The following RSPO2 variants were observed in gnomAD, a reference collection of about 807,000 sequenced individuals.
The protein encoded by RSPO2 is R-spondin 2.
A neutral mutation model predicts 30.9 loss-of-function variants in RSPO2; 14 were observed. The ratio of observed to expected loss-of-function variants is 0.45; its 90% CI spans 0.30 to 0.71. RSPO2 has a LOEUF of 0.71. Among genes scored for constraint, RSPO2 ranks in the 30% least tolerant of loss-of-function variants. RSPO2 has a pLI of 0.08. For synonymous variants in RSPO2, 107 were observed against 96.4 expected (o/e 1.11, Z -0.64); for missense variants, 264 against 301.9 (o/e 0.87, Z 0.93).
At chr8:107,931,084 A>G (rs932897394) in intron 5 of RSPO2, among the ~76,000 whole-genome samples, 1 of 152,186 alleles carries the variant, frequency 6.6e-6, no homozygotes, top group Admixed American at 6.5e-5. Context: ...ACTGCTATAA[A>G]AACATATGAT....
At chr8:108,008,500 C>T (rs1435983481) in intron 2 of RSPO2, among the ~76,000 whole-genome samples, 1 of 152,160 alleles carries the variant, frequency 6.6e-6, no homozygotes, top group East Asian at 1.9e-4. Flanking sequence ...TAACATCCAG[C>T]TCACTCAACT....
intron 5 of RSPO2, among the ~76,000 whole-genome samples, chr8:107,922,991 T>C (rs1812229842): frequency 1.3e-5 from 2 of 152,084 alleles, no homozygotes; most frequent in Admixed American, 1.3e-4. Context: ...GAAGACAACC[T>C]GGGCAATACC....
chr8:107,970,580 A>C (rs900902115), intron 3 of RSPO2, among the ~76,000 whole-genome samples: 3 of 152,244 alleles, frequency 2.0e-5, no homozygotes, highest in Non-Finnish European at 4.4e-5. Context: ...TCAGATAAGC[A>C]TGAGGATGCT....
intron 5 of RSPO2, among the ~76,000 whole-genome samples, chr8:107,940,049 T>G (rs1345759233): frequency 6.6e-6 from 1 of 152,034 alleles, no homozygotes; most frequent in Non-Finnish European, 1.5e-5. Flanking sequence ...TCCCTTTGAT[T>G]TTGCTATTAT....
chr8:108,083,009 T>G, intron 1 of RSPO2, 188 bp downstream of exon 1: 1 of 208,562 alleles, frequency 4.8e-6, no homozygotes, highest in Non-Finnish European at 9.5e-6. Flanking sequence ...ATCAGTGAAT[T>G]AGCAACCTCT....
intron 5 of RSPO2, 84 bp from the exon 6 acceptor site, chr8:107,901,274 A>G (rs1398939484): frequency 6.9e-7 from 1 of 1,459,558 alleles, no homozygotes; most frequent in Non-Finnish European, 9.1e-7. Flanking sequence ...GGAGTTTTGC[A>G]CAAAGCCCAT....
rs1188847888 is a variant in RSPO2, at chr8:107,983,232, G to A, written c.283+5824C>T. 1.7e-4 allele frequency: 262 copies of A among 1,577,704 alleles called. 1 individual carries two copies. The highest frequency in any genetic ancestry group is 6.0e-4 in the South Asian group (52 of 86,420). On this transcript the variant is annotated intron_variant, in intron 3 of 5. Transcript: ENST00000276659. The stretch of plus-strand genomic sequence containing the variant: ...TTTCTTGTCACAAAAAGGCTGCAGC[G>A]TATCTTTCTGAAGCTATGAAGCTGA...
At chr8:108,053,341 T>A (rs1414425420) in intron 2 of RSPO2, among the ~76,000 whole-genome samples, 1 of 152,116 alleles carries the variant, frequency 6.6e-6, no homozygotes, top group Non-Finnish European at 1.5e-5. Flanking sequence ...AAAAACAGAT[T>A]CTCTTCTTAA....
At chr8:108,033,804 G>C (rs1244355866) in intron 2 of RSPO2, among the ~76,000 whole-genome samples, 1 of 152,162 alleles carries the variant, frequency 6.6e-6, no homozygotes, top group Non-Finnish European at 1.5e-5. Flanking sequence ...GCCATGTGTG[G>C]AAAGAAAGGC....
chr8:108,070,350 T>C (rs1309696224), intron 2 of RSPO2, among the ~76,000 whole-genome samples: 1 of 140,114 alleles, frequency 7.1e-6, no homozygotes, highest in African/African-American at 2.7e-5. Context: ...CGGACTGCAG[T>C]GGTGCAATCT....
In RSPO2 at chr8:107,948,130, T is replaced by G. The variant is rs1008927013; in HGVS notation, c.616+9950A>C. ...TCATCTTTACCTGACACTCAATAAT[T>G]TAAAAATTAAGCTTTGCCTTTTATC... On this transcript the variant is annotated intron_variant, in intron 5 of 5. Transcript: ENST00000276659. 3.3e-5 allele frequency among the ~76,000 whole-genome samples: 5 copies of G among 152,240 alleles called. No individual in the cohort carries two copies. The South Asian group carries it at 1.0e-3, about 32-fold the overall frequency.
chr8:108,075,485 A>G (rs1359341722), intron 2 of RSPO2, among the ~76,000 whole-genome samples: 1 of 151,988 alleles, frequency 6.6e-6, no homozygotes, highest in Admixed American at 6.5e-5. Flanking sequence ...CATCTCAAAA[A>G]AAAAAAAAAG....
At chr8:107,910,908 TA>T (rs1170861008) in intron 5 of RSPO2, among the ~76,000 whole-genome samples, 130 of 152,266 alleles carry the variant, frequency 8.5e-4, no homozygotes, top group African/African-American at 3.0e-3. Flanking sequence ...TAAAAAATTT[TA>T]AAATAGCTAC....
chr8:108,032,021 TGTAGCTACAG>T (rs1811437943), intron 2 of RSPO2, among the ~76,000 whole-genome samples: 1 of 152,182 alleles, frequency 6.6e-6, no homozygotes, highest in African/African-American at 2.4e-5. Flanking sequence ...TGGTACAGAT[TGTAGCTACAG>T]CTACAGCTAT....
At chr8:107,990,278 G>A (rs1014890823) in intron 2 of RSPO2, among the ~76,000 whole-genome samples, 1 of 152,088 alleles carries the variant, frequency 6.6e-6, no homozygotes, top group Non-Finnish European at 1.5e-5. Flanking sequence ...TCCAATACAT[G>A]ATTAGTAGTT....
intron 2 of RSPO2, among the ~76,000 whole-genome samples, chr8:108,076,797 A>G (rs1459737709): frequency 1.3e-5 from 2 of 152,228 alleles, no homozygotes; most frequent in Admixed American, 6.5e-5. Flanking sequence ...GCCTAGAATT[A>G]AAGGACTTTA....
chr8:107,918,738 C>T (rs752148840), intron 5 of RSPO2, among the ~76,000 whole-genome samples: 8 of 152,190 alleles, frequency 5.3e-5, no homozygotes, highest in South Asian at 2.1e-4. Context: ...TAATTATTCT[C>T]GCTGCACTTT....
chr8:108,049,931 C>A (rs1812026474), intron 2 of RSPO2, among the ~76,000 whole-genome samples: 1 of 152,114 alleles, frequency 6.6e-6, no homozygotes, highest in Non-Finnish European at 1.5e-5. Context: ...TATAGAGTTA[C>A]ATATATCTTA....
At chr8:107,926,805 A>T (rs1044838465) in intron 5 of RSPO2, among the ~76,000 whole-genome samples, 2 of 152,102 alleles carry the variant, frequency 1.3e-5, no homozygotes, top group Non-Finnish European at 2.9e-5. Context: ...GTAGCCTTGT[A>T]GTATAGTTTG....
Sources: gnomAD v4.1 joint callset for allele counts (sites outside exome capture counted in the v4.1 genomes callset) on GRCh38, gnomAD v4.1.1 for gene constraint, MANE v1.5 for transcripts, NCBI Gene and HGNC (gene_info 2026-07-23, HGNC 2026-07-21) for gene names.